Variants in HDLBP observed in about 807,000 individuals in gnomAD.
HDLBP encodes the protein vigilin.
Under a neutral mutation model 137.3 loss-of-function variants are expected in HDLBP, and 30 were observed. That is an observed-to-expected ratio of 0.22 (90% confidence interval 0.16 to 0.30). The LOEUF is 0.30. Among genes scored for constraint, HDLBP ranks in the 10% least tolerant of loss-of-function variants. The pLI is 1.00. For missense variants in HDLBP, 1,119 were observed against 1,667.3 expected, an observed-to-expected ratio of 0.67 and a Z score of 5.73; for synonymous variants, 606 against 596.0, an observed-to-expected ratio of 1.02 and a Z score of -0.24.
Position 241,247,120 on chromosome 2 carries a change from G to A in HDLBP, c.1754C>T (p.Ser585Phe). 1.2e-6 allele frequency: 2 copies of A among 1,612,038 alleles called. No individual in the cohort carries two copies. The highest frequency in any genetic ancestry group is 1.7e-6 in the Non-Finnish European group (2 of 1,178,062). ...ADLVENSYSI[S>F]VPIFKQFHKN... ...GTGAAACTGTTTGAAGATCGGAACA[G>A]AAATTGAATAGCTATTTTCCACCTT... Residue 585 changes from serine (S) to phenylalanine (F), a missense_variant, in exon 15 of 28, where the codon TCT becomes TTT. Coordinates refer to ENST00000310931, the MANE Select transcript of HDLBP (RefSeq NM_005336.6).
rs1390987420 is a variant in HDLBP, at chr2:241,256,628, T to C, written c.629A>G (p.His210Arg). 3 of 1,614,162 alleles carry C rather than the reference T, an allele frequency of 1.9e-6. No individual in the cohort carries two copies. Among genetic ancestry groups the C allele is most frequent in the Non-Finnish European group, 2.5e-6 (3 of 1,180,032 alleles). Reference protein sequence around the residue: ...GTKEGIEKARHEVLLISAEQD... With the variant: ...GTKEGIEKARREVLLISAEQD... ...CTCGGCAGAGATGAGTAAGACTTCA[T>C]GGCGAGCTTTCTCGATGCCCTCTTT... is the stretch of plus-strand genomic sequence containing the variant. Residue 210 changes from histidine (H) to arginine (R), a missense_variant, in exon 6 of 28, where the codon CAT becomes CGT. His to Arg is a conservative substitution (Grantham distance 29). Transcript: ENST00000310931.
At chr2:241,245,896 T>C (rs56241013) in intron 16 of HDLBP, among the ~76,000 whole-genome samples, 17,383 of 152,222 alleles carry the variant, frequency 0.11, 1,251 homozygotes, top group Non-Finnish European at 0.16. Context: ...TGGCACAGAT[T>C]ACATATACTG....
rs1050375742 is a variant in HDLBP at position 241,238,508 on chromosome 2, G to A, written c.2749+141C>T. On this transcript the variant is annotated intron_variant, in intron 20 of 27. Transcript: ENST00000310931. This position sits in a 1 kb window ranked among gnomAD's most constrained non-coding sequence, Gnocchi z 4.9. The stretch of plus-strand genomic sequence containing the variant: ...CTTTTAAAGGCCAGGGAGTGACCCT[G>A]AACCTCTGGAAGCCCCCAGAATACA... 3 of 629,782 alleles carry A rather than the reference G, an allele frequency of 4.8e-6. No homozygotes were observed. In the African/African-American group the frequency reaches 5.5e-5, roughly 12 times the overall value. The allele number at this position is 629,782 out of a possible 1,614,324, so 39.0% of individuals were successfully genotyped here. A position where few individuals can be genotyped will look rare whatever the true frequency, so the allele number is the denominator to read the frequency against.
At chr2:241,248,369 G>A in intron 12 of HDLBP, 21 bp from the exon 13 acceptor site, 1 of 1,575,706 alleles carries the variant, frequency 6.3e-7, no homozygotes, top group Admixed American at 1.7e-5. Context: ...AATTAAAGTA[G>A]ATGTCATTTA....
At chr2:241,267,070 A>T (rs2073728629) in intron 2 of HDLBP, among the ~76,000 whole-genome samples, 164 bp from the exon 3 acceptor site, 1 of 152,064 alleles carries the variant, frequency 6.6e-6, no homozygotes, top group African/African-American at 2.4e-5. Flanking sequence ...CCAAACTCTC[A>T]CCAAGTGATA....
chr2:241,311,364 C>T (rs1339399575), intron 1 of HDLBP, among the ~76,000 whole-genome samples: 2 of 152,132 alleles, frequency 1.3e-5, no homozygotes, highest in African/African-American at 2.4e-5. Flanking sequence ...ACTTCATCTG[C>T]CATGCACTTC....
intron 3 of HDLBP, among the ~76,000 whole-genome samples, chr2:241,264,843 C>T (rs972070632): frequency 6.6e-6 from 1 of 152,078 alleles, no homozygotes; most frequent in Non-Finnish European, 1.5e-5. Flanking sequence ...TCTCTGACAG[C>T]GAACCTACCC....
At position 241,267,307 on chromosome 2, in the gene HDLBP, C is replaced by T. The variant is rs192792803; in HGVS notation, c.-37-401G>A. On this transcript the variant is annotated intron_variant, in intron 2 of 27. Transcript: ENST00000310931. ...CCATGTTCAAAGCTGTCCTGGGCCTCGGGTTAGACAAGTTTGTCCTAGAAC... is the reference window on the plus strand; with the variant it reads ...CCATGTTCAAAGCTGTCCTGGGCCTTGGGTTAGACAAGTTTGTCCTAGAAC... 4.4e-3 allele frequency among the ~76,000 whole-genome samples: 671 copies of T among 152,294 alleles called. 4 individuals carry two copies. The highest frequency in any genetic ancestry group is 0.015 in the African/African-American group (607 of 41,556).
chr2:241,268,999 A>G (rs2073878781), intron 1 of HDLBP: 1 of 152,266 alleles, frequency 6.6e-6, no homozygotes, highest in African/African-American at 2.4e-5. Context: ...GCTTATGGTG[A>G]CCAAGAGCTA....
intron 16 of HDLBP, among the ~76,000 whole-genome samples, chr2:241,243,017 G>A (rs1285983629): frequency 6.6e-6 from 1 of 152,138 alleles, no homozygotes; most frequent in Non-Finnish European, 1.5e-5. Flanking sequence ...TTCAGTCAAC[G>A]CTCCGGCTCT....
In HDLBP at chr2:241,228,281, G is replaced by C. The variant is rs1475372869; in HGVS notation, c.*1320C>G. On this transcript the variant is annotated 3_prime_UTR_variant, in exon 28 of 28. Coordinates refer to ENST00000310931, the MANE Select transcript of HDLBP (RefSeq NM_005336.6). ...GTTAAGACCAGAAAACCAGAGACTA[G>C]GGCCCCGTCCTCAGCCCTCACAGCA... 1 of 152,400 alleles carries C rather than the reference G, an allele frequency of 6.6e-6. No individual in the cohort carries two copies. The highest frequency in any genetic ancestry group is 1.5e-5 in the Non-Finnish European group (1 of 68,158). 9.4% of individuals were successfully genotyped at this position (152,400 alleles called of 1,614,324 possible).
Position 241,276,814 on chromosome 2 carries a change from G to T in HDLBP, c.-102-8273C>A, listed in dbSNP as rs74805620. Among the ~76,000 whole-genome samples the T allele has an allele frequency of 7.1e-3, 1,083 of 152,198 alleles. 5 individuals carry two copies. The highest frequency in any genetic ancestry group is 0.023 in the African/African-American group (957 of 41,530). On this transcript the variant is annotated intron_variant, in intron 1 of 27. Coordinates refer to ENST00000310931, the MANE Select transcript of HDLBP (RefSeq NM_005336.6). ...AAGTAAAAACTGAAGGTTACTAGGAGAAATTGATATATCCAAGGTTAAAGG... is the reference window on the plus strand; with the variant it reads ...AAGTAAAAACTGAAGGTTACTAGGATAAATTGATATATCCAAGGTTAAAGG...
rs973311159 is a variant in HDLBP, at chr2:241,239,841, G to A, written c.2392-21C>T. ...TTATCCTGCAGTGTTAAGAAGAGATGGAAGATAAGCCACCCCATCACGGCC... is the reference window on the plus strand; with the variant it reads ...TTATCCTGCAGTGTTAAGAAGAGATAGAAGATAAGCCACCCCATCACGGCC... On this transcript the variant is annotated intron_variant, in intron 18 of 27. Transcript: ENST00000310931. The surrounding 1 kb of genome is among the most constrained non-coding windows in gnomAD (Gnocchi z 4.6). 13 of 1,611,938 alleles carry A rather than the reference G, an allele frequency of 8.1e-6. No homozygotes were observed. The highest frequency in any genetic ancestry group is 1.1e-5 in the South Asian group (1 of 91,058).
intron 17 of HDLBP, 135 bp downstream of exon 17, chr2:241,242,325 A>C (rs1365210842): frequency 1.4e-6 from 1 of 712,794 alleles, no homozygotes; most frequent in East Asian, 2.7e-5. Flanking sequence ...AAAGACGCAT[A>C]AACAGTACAT....
intron 3 of HDLBP, among the ~76,000 whole-genome samples, chr2:241,265,425 A>C (rs2073579074): frequency 6.6e-6 from 1 of 152,216 alleles, no homozygotes; most frequent in Non-Finnish European, 1.5e-5. Flanking sequence ...TCTCAAAAAA[A>C]AAGACTGCAG....
intron 16 of HDLBP, among the ~76,000 whole-genome samples, chr2:241,245,008 A>C (rs1269714203): frequency 2.0e-5 from 3 of 152,126 alleles, no homozygotes; most frequent in Admixed American, 6.5e-5. Context: ...AGTTGAATTA[A>C]CCATTAAAAA....
chr2:241,285,567 T>C (rs981501570), intron 1 of HDLBP, among the ~76,000 whole-genome samples: 2 of 152,228 alleles, frequency 1.3e-5, no homozygotes, highest in Non-Finnish European at 2.9e-5. Context: ...AGTGATGATG[T>C]GTGCTTAGTA....
intron 17 of HDLBP, among the ~76,000 whole-genome samples, chr2:241,241,297 G>A (rs2071187213): frequency 6.6e-6 from 1 of 152,168 alleles, no homozygotes; most frequent in Admixed American, 6.5e-5. Flanking sequence ...GCCGGGCGCA[G>A]TGGCTCACGC....
rs201285919 is a variant in HDLBP at position 241,256,278 on chromosome 2, G to A, written c.779C>T (p.Pro260Leu). ...AATCTCTGTCCGGTTCACGCTGGGT[G>A]GGGGGATGTTGATGCGCGTGCCTGT... ...QETGTRINIP[P>L]PSVNRTEIVF... Residue 260 changes from proline to leucine, a missense_variant, in exon 7 of 28, where the codon CCA (proline) becomes CTA (leucine). Physicochemically the swap from Pro to Leu is moderately conservative, Grantham distance 98. Around this residue, in one of 4 missense-constraint regions of HDLBP, gnomAD observed 425 missense variants for 693.9 expected, o/e 0.61. Coordinates refer to ENST00000310931, the MANE Select transcript of HDLBP (RefSeq NM_005336.6). The A allele has an allele frequency of 2.5e-6, 4 of 1,614,070 alleles. No individual in the cohort carries two copies. The highest frequency in any genetic ancestry group is 2.2e-5 in the East Asian group (1 of 44,882).
Sources: allele counts gnomAD v4.1 joint callset (sites outside exome capture counted in the v4.1 genomes callset), GRCh38; gene constraint gnomAD v4.1.1; regional missense constraint gnomAD v4.1.1; non-coding constraint Gnocchi (gnomAD v3.1); transcripts MANE v1.5; gene names NCBI Gene and HGNC (gene_info 2026-07-23, HGNC 2026-07-21).